Variants in HPSE2 observed in about 807,000 individuals in gnomAD.
The protein encoded by HPSE2 is inactive heparanase-2.
A neutral mutation model predicts 60.5 loss-of-function variants in HPSE2; 38 were observed. The observed-to-expected ratio is 0.63, with a 90% confidence interval of 0.48 to 0.82. The LOEUF (loss-of-function observed/expected upper bound fraction) is 0.82. Among genes scored for constraint, HPSE2 ranks in the 40% least tolerant of loss-of-function variants. HPSE2 has a pLI of 0.00. For missense variants in HPSE2, 713 were observed against 740.4 expected, an observed-to-expected ratio of 0.96 and a Z score of 0.43; for synonymous variants, 295 against 293.2, an observed-to-expected ratio of 1.01 and a Z score of -0.06.
chr10:98,843,270 C>A (rs1951961086), intron 3 of HPSE2, among the ~76,000 whole-genome samples: 1 of 152,108 alleles, frequency 6.6e-6, no homozygotes, highest in Non-Finnish European at 1.5e-5. Context: ...CATTTAGCTC[C>A]CACTTATAAG....
At chr10:98,809,976 C>A (rs909829590) in intron 3 of HPSE2, among the ~76,000 whole-genome samples, 4 of 152,060 alleles carry the variant, frequency 2.6e-5, no homozygotes, top group Non-Finnish European at 5.9e-5. Flanking sequence ...GATTTTCTTG[C>A]CCCTCGTTTA....
chr10:98,765,817 T>G lies in HPSE2; in HGVS notation c.611-21761A>C, dbSNP rs561119945. Among the ~76,000 whole-genome samples the G allele has an allele frequency of 2.6e-5, 4 of 152,218 alleles. No individual in the cohort carries two copies. In the South Asian group the frequency reaches 8.3e-4, roughly 32 times the overall value. On this transcript the variant is annotated intron_variant, in intron 3 of 11. Coordinates refer to ENST00000370552, the MANE Select transcript of HPSE2 (RefSeq NM_021828.5). Reference sequence around the variant, plus strand: ...AAGATCACGCCACTGCACTCCAGCCTGGGTGACAGAGCAAGACTCTGTCTA... The same window carrying G: ...AAGATCACGCCACTGCACTCCAGCCGGGGTGACAGAGCAAGACTCTGTCTA...
intron 2 of HPSE2, among the ~76,000 whole-genome samples, chr10:99,148,564 GCGCATCACCTGAGGT>G (rs1564844897): frequency 6.6e-6 from 1 of 152,058 alleles, no homozygotes; most frequent in Non-Finnish European, 1.5e-5. Flanking sequence ...CCCAAGGTGG[GCGCATCACCTGAGGT>G]CTGGAGTTTG....
At chr10:99,166,170 T>C (rs1341848362) in intron 2 of HPSE2, among the ~76,000 whole-genome samples, 1 of 152,178 alleles carries the variant, frequency 6.6e-6, no homozygotes, top group Non-Finnish European at 1.5e-5. Context: ...AATATTCCAT[T>C]GAATGGCTGT....
intron 9 of HPSE2, among the ~76,000 whole-genome samples, chr10:98,588,823 T>C (rs1303077152): frequency 6.6e-6 from 1 of 151,934 alleles, no homozygotes; most frequent in Non-Finnish European, 1.5e-5. Flanking sequence ...CCCTGCCCAG[T>C]GCCAGCACAT....
At chr10:99,015,663 T>G in intron 3 of HPSE2, among the ~76,000 whole-genome samples, 3 of 145,860 alleles carry the variant, frequency 2.1e-5, no homozygotes, top group East Asian at 2.1e-4. Context: ...CACCGGGGCC[T>G]GTTGTGGGGT....
chr10:98,999,709 C>A (rs1040044862), intron 3 of HPSE2, among the ~76,000 whole-genome samples: 2 of 151,956 alleles, frequency 1.3e-5, no homozygotes, highest in Non-Finnish European at 2.9e-5. Context: ...AAACAAAAGA[C>A]CAGTTAAGTG....
intron 3 of HPSE2, among the ~76,000 whole-genome samples, chr10:99,022,088 G>A (rs1161190951): frequency 2.3e-5 from 3 of 130,138 alleles, no homozygotes; most frequent in African/African-American, 8.9e-5. Context: ...ACTGAAAGAG[G>A]CACTGAAGAG....
At chr10:98,727,725 ATGT>A (rs1295279866) in intron 4 of HPSE2, among the ~76,000 whole-genome samples, 2 of 152,040 alleles carry the variant, frequency 1.3e-5, no homozygotes, top group African/African-American at 4.8e-5. Flanking sequence ...GGAAAGTATA[ATGT>A]TAATGATTCA....
chr10:99,079,970 T>C (rs1275782057), intron 3 of HPSE2, among the ~76,000 whole-genome samples: 3 of 152,164 alleles, frequency 2.0e-5, no homozygotes, highest in Non-Finnish European at 4.4e-5. Flanking sequence ...AGGAGGTTTC[T>C]TTCTGATTGT....
At position 98,614,893 on chromosome 10, in the gene HPSE2, C is replaced by T. The variant is rs374569913; in HGVS notation, c.1320+11G>A. The T allele has an allele frequency of 2.6e-6, 4 of 1,547,110 alleles. No homozygotes were observed. The highest frequency in any genetic ancestry group is 4.5e-5 in the East Asian group (2 of 44,526). On this transcript the variant is annotated intron_variant, in intron 9 of 11. Coordinates refer to ENST00000370552, the MANE Select transcript of HPSE2 (RefSeq NM_021828.5). ...TGGAAAAGGGATTGGGAATCTTTAT[C>T]CCACACTTACTGGTAATGGGTTAAA...
At chr10:98,502,155 T>A (rs1942047252) in intron 9 of HPSE2, among the ~76,000 whole-genome samples, 1 of 151,952 alleles carries the variant, frequency 6.6e-6, no homozygotes, top group African/African-American at 2.4e-5. Flanking sequence ...GCAATCCCCA[T>A]CAAAATACTG....
Position 98,989,192 on chromosome 10 carries a change from C to A in HPSE2, c.610+155046G>T, listed in dbSNP as rs1053771287. On this transcript the variant is annotated intron_variant, in intron 3 of 11. Coordinates refer to ENST00000370552, the MANE Select transcript of HPSE2 (RefSeq NM_021828.5). ...AATCATGCTGCTATAAAGACACATG[C>A]ACACGTATGTTTATTGTGGCACTAT... Among the ~76,000 whole-genome samples the A allele has an allele frequency of 2.1e-3, 313 of 152,278 alleles. 2 individuals carry two copies. The highest frequency in any genetic ancestry group is 2.6e-3 in the Non-Finnish European group (174 of 68,032).
intron 4 of HPSE2, among the ~76,000 whole-genome samples, chr10:98,736,334 A>C (rs1464751532): frequency 1.3e-5 from 2 of 152,004 alleles, no homozygotes; most frequent in East Asian, 3.9e-4. Context: ...TTTTCTTTAT[A>C]AATTACCTAG....
intron 9 of HPSE2, among the ~76,000 whole-genome samples, chr10:98,589,225 G>A (rs762807956): frequency 5.9e-5 from 9 of 152,220 alleles, no homozygotes; most frequent in Non-Finnish European, 1.0e-4. Context: ...AATCACAGCT[G>A]TGTAGTCATA....
At chr10:99,080,272 T>G (rs1843091125) in intron 3 of HPSE2, among the ~76,000 whole-genome samples, 1 of 152,198 alleles carries the variant, frequency 6.6e-6, no homozygotes, top group Non-Finnish European at 1.5e-5. Context: ...ACTACTTTAA[T>G]GAGCCTAGTT....
intron 3 of HPSE2, among the ~76,000 whole-genome samples, chr10:98,941,779 C>G (rs1284006575): frequency 7.2e-6 from 1 of 138,184 alleles, no homozygotes; most frequent in African/African-American, 3.1e-5. Flanking sequence ...CAAGTCAATC[C>G]TAAGCCAAAA....
upstream of HPSE2, among the ~76,000 whole-genome samples, chr10:99,238,690 C>A (rs917760090): frequency 1.3e-5 from 2 of 152,162 alleles, no homozygotes; most frequent in African/African-American, 4.8e-5. Context: ...TATACCATAT[C>A]ATGGTTTTTG....
intron 3 of HPSE2, among the ~76,000 whole-genome samples, chr10:98,881,113 C>G (rs1953010370): frequency 6.6e-6 from 1 of 152,036 alleles, no homozygotes; most frequent in African/African-American, 2.4e-5. Flanking sequence ...GGGCCTTCAC[C>G]CTCCTTTCTC....
Sources: allele counts gnomAD v4.1 joint callset (sites outside exome capture counted in the v4.1 genomes callset), GRCh38; gene constraint gnomAD v4.1.1; transcripts MANE v1.5; gene names NCBI Gene and HGNC (gene_info 2026-07-23, HGNC 2026-07-21).